MTHFD2L: variants seen among roughly 807,000 people sequenced by gnomAD.
MTHFD2L encodes bifunctional methylenetetrahydrofolate dehydrogenase/cyclohydrolase 2, mitochondrial.
In MTHFD2L, 29 loss-of-function variants were observed where a neutral mutation model predicts 34.9. The ratio of observed to expected loss-of-function variants is 0.83; its 90% CI spans 0.62 to 1.13. The LOEUF (loss-of-function observed/expected upper bound fraction) is 1.13. Ranked by LOEUF, MTHFD2L falls within the 50% of genes most tolerant of loss-of-function variation. The pLI is 0.00. For synonymous variants in MTHFD2L, 167 were observed against 155.7 expected (o/e 1.07, Z -0.54); for missense variants, 481 against 446.5 (o/e 1.08, Z -0.70).
intron 1 of MTHFD2L, among the ~76,000 whole-genome samples, chr4:74,148,938 A>C (rs549947792): frequency 6.6e-6 from 1 of 151,848 alleles, no homozygotes; most frequent in South Asian, 2.1e-4. Context: ...TTTGGTTTCC[A>C]GGTAGGTTTG....
intron 6 of MTHFD2L, among the ~76,000 whole-genome samples, chr4:74,273,873 A>C (rs1245989402): frequency 6.6e-6 from 1 of 152,174 alleles, no homozygotes; most frequent in African/African-American, 2.4e-5. Flanking sequence ...CACAGATAGT[A>C]AAGTTTGGAG....
At position 74,281,605 on chromosome 4, in the gene MTHFD2L, G is replaced by A. The variant is rs1056210863; in HGVS notation, c.931+55G>A. The A allele has an allele frequency of 7.0e-5, 106 of 1,521,250 alleles. No homozygotes were observed. The Middle Eastern group carries it at 7.6e-4, about 11-fold the overall frequency. 94.2% of individuals were successfully genotyped at this position (1,521,250 alleles called of 1,614,324 possible). A position where few individuals can be genotyped will look rare whatever the true frequency, so the allele number is the denominator to read the frequency against. Reference sequence around the variant, plus strand: ...AGAAGATAAAAAAATTCCACCTTACGTATTTTAAAAATAGAGAAGTTTCAT... The same window carrying A: ...AGAAGATAAAAAAATTCCACCTTACATATTTTAAAAATAGAGAAGTTTCAT... On this transcript the variant is annotated intron_variant, in intron 7 of 7. Coordinates refer to ENST00000325278, the MANE Select transcript of MTHFD2L (RefSeq NM_001144978.3).
chr4:74,130,939 C>T (rs892018968), intron 1 of MTHFD2L, among the ~76,000 whole-genome samples: 1 of 152,040 alleles, frequency 6.6e-6, no homozygotes, highest in African/African-American at 2.4e-5. Context: ...TCCTATACAC[C>T]AATAATAGAC....
Position 74,169,051 on chromosome 4 carries a change from C to T in MTHFD2L, c.144-5455C>T, listed in dbSNP as rs140165705. On this transcript the variant is annotated intron_variant, in intron 1 of 7. Transcript: ENST00000325278. ...TCCTACAGAGCTAGGCTTGCTGAGT[C>T]TCTACGGTGACTGATGGAGTCAGTT... is the stretch of plus-strand genomic sequence containing the variant. 4.5e-4 allele frequency among the ~76,000 whole-genome samples: 69 copies of T among 152,298 alleles called. No homozygotes were observed. The East Asian group carries it at 9.5e-3, about 21-fold the overall frequency.
At position 74,158,229 on chromosome 4, in the gene MTHFD2L, G is replaced by A. The variant is rs1724579560; in HGVS notation, c.91G>A (p.Ala31Thr). 1 of 1,498,208 alleles carries A rather than the reference G, an allele frequency of 6.7e-7. No individual in the cohort carries two copies. 92.8% of individuals were successfully genotyped at this position (1,498,208 alleles called of 1,614,324 possible). A position where few individuals can be genotyped will look rare whatever the true frequency, so the allele number is the denominator to read the frequency against. Residue 31 changes from alanine to threonine, a missense_variant, in exon 1 of 8, where the codon GCA becomes ACA. Physicochemically the swap from Ala to Thr is moderately conservative, Grantham distance 58. Transcript: ENST00000325278. ...LGRSTAPSVR[A>T]PGEPGSAFRG... The stretch of plus-strand genomic sequence containing the variant: ...CAGAAGCACAGCACCCTCCGTAAGG[G>A]CACCGGGAGAGCCCGGGAGTGCGTT...
At chr4:74,162,342 C>G (rs1725630199) in intron 1 of MTHFD2L, 1 of 152,126 alleles carries the variant, frequency 6.6e-6, no homozygotes, top group South Asian at 2.1e-4. Flanking sequence ...TTGTCAATGT[C>G]ATACCAACCA....
intron 5 of MTHFD2L, among the ~76,000 whole-genome samples, chr4:74,212,146 A>G (rs1736432325): frequency 6.7e-6 from 1 of 149,616 alleles, no homozygotes; most frequent in Non-Finnish European, 1.5e-5. Context: ...ATTTTTTAAT[A>G]CTCCTGCATT....
chr4:74,285,764 C>G (rs958465970), intron 7 of MTHFD2L, among the ~76,000 whole-genome samples: 19 of 152,160 alleles, frequency 1.2e-4, no homozygotes, highest in African/African-American at 3.4e-4. Context: ...TGGTCTTACA[C>G]TACTGTGAAA....
intron 6 of MTHFD2L, among the ~76,000 whole-genome samples, chr4:74,250,360 C>A (rs1489503534): frequency 1.3e-5 from 2 of 151,986 alleles, no homozygotes; most frequent in Non-Finnish European, 2.9e-5. Flanking sequence ...TTAAAAATAG[C>A]AGTCTTTTTT....
At chr4:74,226,109 G>A (rs1739118718) in intron 6 of MTHFD2L, among the ~76,000 whole-genome samples, 1 of 151,910 alleles carries the variant, frequency 6.6e-6, no homozygotes, top group Non-Finnish European at 1.5e-5. Flanking sequence ...ACAGTGATTA[G>A]CAAAATAGAT....
chr4:74,150,078 G>C (rs933002487), intron 1 of MTHFD2L, among the ~76,000 whole-genome samples: 1 of 152,246 alleles, frequency 6.6e-6, no homozygotes, highest in Middle Eastern at 3.4e-3. Flanking sequence ...TTGAAGATGG[G>C]GGAAGGGTGC....
At chr4:74,271,111 T>C (rs897327891) in intron 6 of MTHFD2L, among the ~76,000 whole-genome samples, 2 of 152,052 alleles carry the variant, frequency 1.3e-5, no homozygotes, top group Non-Finnish European at 2.9e-5. Flanking sequence ...TATTCTCCCA[T>C]TCTGTAGGTT....
At chr4:74,289,042 TCTG>T (rs1273063330) in intron 7 of MTHFD2L, among the ~76,000 whole-genome samples, 1 of 152,198 alleles carries the variant, frequency 6.6e-6, no homozygotes, top group Non-Finnish European at 1.5e-5. Context: ...CTATTGAGCA[TCTG>T]CTATGTGTCA....
At chr4:74,290,652 G>T (rs533587623) in intron 7 of MTHFD2L, among the ~76,000 whole-genome samples, 1 of 152,214 alleles carries the variant, frequency 6.6e-6, no homozygotes, top group East Asian at 1.9e-4. Flanking sequence ...GTGTGTGTGT[G>T]TGTGTGTGTA....
At chr4:74,164,954 C>T in intron 1 of MTHFD2L, 2 of 984,968 alleles carry the variant, frequency 2.0e-6, no homozygotes, top group Non-Finnish European at 2.4e-6. Context: ...ACCACCTGAG[C>T]AAGTAATGAC....
intron 4 of MTHFD2L, among the ~76,000 whole-genome samples, chr4:74,201,007 T>G (rs997929250): frequency 3.9e-5 from 6 of 152,202 alleles, no homozygotes; most frequent in Non-Finnish European, 8.8e-5. Context: ...TGACTCTCAA[T>G]GTTTAAAAGC....
upstream of MTHFD2L, chr4:74,157,042 ATTGT>A (rs1235426313): frequency 6.6e-6 from 1 of 152,108 alleles, no homozygotes; most frequent in African/African-American, 2.4e-5. Flanking sequence ...AGAAGTTTAA[ATTGT>A]TTTTTTCTTT....
intron 5 of MTHFD2L, among the ~76,000 whole-genome samples, chr4:74,219,423 A>G (rs1244888585): frequency 1.3e-5 from 2 of 152,148 alleles, no homozygotes; most frequent in African/African-American, 4.8e-5. Flanking sequence ...AGAGATATGC[A>G]TCACTCTTGA....
intron 6 of MTHFD2L, chr4:74,242,111 A>G (rs1741804729): frequency 6.6e-6 from 1 of 152,200 alleles, no homozygotes; most frequent in African/African-American, 2.4e-5. Context: ...TTATCATTGT[A>G]TAGTATCTTG....
Sources: allele counts gnomAD v4.1 joint callset (sites outside exome capture counted in the v4.1 genomes callset), GRCh38; gene constraint gnomAD v4.1.1; transcripts MANE v1.5; gene names NCBI Gene and HGNC (gene_info 2026-07-23, HGNC 2026-07-21).